Variants in SGSH observed in about 807,000 individuals in gnomAD.
SGSH encodes N-sulfoglucosamine sulfohydrolase.
A neutral mutation model predicts 51.0 loss-of-function variants in SGSH; 48 were observed. The ratio of observed to expected loss-of-function variants is 0.94; its 90% CI spans 0.75 to 1.20. The LOEUF is 1.20. Among genes scored for constraint, SGSH ranks in the 50% most tolerant of loss-of-function variants. The pLI, the probability that SGSH is intolerant of heterozygous loss-of-function variation, is 0.00. For missense variants in SGSH, 662 were observed against 717.8 expected, an observed-to-expected ratio of 0.92 and a Z score of 0.89; for synonymous variants, 321 against 313.4, an observed-to-expected ratio of 1.02 and a Z score of -0.26.
chr17:80,220,213 C>T lies in SGSH; in HGVS notation c.88+13G>A, dbSNP rs2042098398. On this transcript the variant is annotated intron_variant, in intron 1 of 7. Coordinates refer to ENST00000326317, the MANE Select transcript of SGSH (RefSeq NM_000199.5). Reference sequence around the variant, plus strand: ...ACCGCAGGTGGGCGTGGGGGGGCGGCGCCGGCACTCACCGAGGAGCAGCAG... The same window carrying T: ...ACCGCAGGTGGGCGTGGGGGGGCGGTGCCGGCACTCACCGAGGAGCAGCAG... 1.3e-6 allele frequency: 2 copies of T among 1,510,008 alleles called. No individual in the cohort carries two copies. The highest frequency in any genetic ancestry group is 1.8e-6 in the Non-Finnish European group (2 of 1,133,526). The allele number at this position is 1,510,008 out of a possible 1,614,324, so 93.5% of individuals were successfully genotyped here. A position where few individuals can be genotyped will look rare whatever the true frequency, so the allele number is the denominator to read the frequency against.
chr17:80,210,148 C>A lies in SGSH; in HGVS notation c.*304G>T. 7.7e-7 allele frequency: 1 copy of A among 1,303,078 alleles called. No homozygotes were observed. Among genetic ancestry groups the A allele is most frequent in the South Asian group, 1.8e-5 (1 of 54,508 alleles). The allele number at this position is 1,303,078 out of a possible 1,614,324, so 80.7% of individuals were successfully genotyped here. On this transcript the variant is annotated 3_prime_UTR_variant, in exon 8 of 8. Transcript: ENST00000326317. Reference sequence around the variant, plus strand: ...CATGGGCTGGGGGCGCTGCCCTGTCCGCAGACCACGTATGTCTAGAATTCC... The same window carrying A: ...CATGGGCTGGGGGCGCTGCCCTGTCAGCAGACCACGTATGTCTAGAATTCC...
At chr17:80,214,913 A>G in intron 3 of SGSH, 120 bp downstream of exon 3, 4 of 1,296,686 alleles carry the variant, frequency 3.1e-6, no homozygotes, top group Non-Finnish European at 4.4e-6. Flanking sequence ...CCTTTGGGAC[A>G]AGAGCTAAGG....
At position 80,209,508 on chromosome 17, in the gene SGSH, C is replaced by G; in HGVS notation, c.*944G>C. 1 of 985,542 alleles carries G rather than the reference C, an allele frequency of 1.0e-6. No individual in the cohort carries two copies. The highest frequency in any genetic ancestry group is 1.2e-6 in the Non-Finnish European group (1 of 830,088). The allele number at this position is 985,542 out of a possible 1,614,324, so 61.0% of individuals were successfully genotyped here. A position where few individuals can be genotyped will look rare whatever the true frequency, so the allele number is the denominator to read the frequency against. On this transcript the variant is annotated 3_prime_UTR_variant, in exon 8 of 8. Coordinates refer to ENST00000326317, the MANE Select transcript of SGSH (RefSeq NM_000199.5). ...GGAGGCAGGGCAGGAACGGCACATT[C>G]TCCCAGCAACGCCGACGTCATCCAA...
downstream of SGSH, chr17:80,205,410 A>G (rs1345733823): frequency 1.5e-6 from 2 of 1,375,892 alleles, no homozygotes; most frequent in African/African-American, 1.4e-5. Flanking sequence ...TAAAGTGGAC[A>G]TCCTAAGAAG....
downstream of SGSH, chr17:80,202,557 C>T (rs2144467448): frequency 6.9e-7 from 1 of 1,454,738 alleles, no homozygotes; most frequent in African/African-American, 1.4e-5. Flanking sequence ...GGAAGCCTGC[C>T]AAGATCACTG....
downstream of SGSH, chr17:80,206,940 T>G (rs949673378): frequency 4.5e-6 from 7 of 1,550,066 alleles, no homozygotes; most frequent in Non-Finnish European, 6.2e-6. Flanking sequence ...CCTGTGATCT[T>G]GACTCACTTC....
chr17:80,205,575 G>A, downstream of SGSH: 1 of 1,579,416 alleles, frequency 6.3e-7, no homozygotes, highest in Non-Finnish European at 8.6e-7. Flanking sequence ...CCAGAGAGGG[G>A]ACATCATCCA....
At chr17:80,203,784 G>T (rs1278492209), downstream of SGSH, 5 of 1,532,390 alleles carry the variant, frequency 3.3e-6, no homozygotes, top group East Asian at 1.2e-4. The surrounding 1 kb of genome is among the most constrained non-coding windows in gnomAD (Gnocchi z 4.6). Context: ...TCACCTGGCA[G>T]GAGGCAGCTG....
In SGSH at chr17:80,210,406, G is replaced by A. The variant is rs1163063425; in HGVS notation, c.*46C>T. On this transcript the variant is annotated 3_prime_UTR_variant, in exon 8 of 8. Transcript: ENST00000326317. ...CCGGCCACACGGACACGTGTGGGAT[G>A]TGTCTGGGACATGCCTGGGATGTGT... 1.5e-5 allele frequency: 23 copies of A among 1,538,006 alleles called. No individual in the cohort carries two copies. The highest frequency in any genetic ancestry group is 1.9e-5 in the Non-Finnish European group (22 of 1,145,572).
At position 80,210,511 on chromosome 17, in the gene SGSH, CG is replaced by C; in HGVS notation, c.1449del (p.Asp484ThrfsTer107). The C allele has an allele frequency of 1.2e-6, 2 of 1,608,730 alleles. No individual in the cohort carries two copies. On this transcript the variant is annotated frameshift_variant, in exon 8 of 8. Transcript: ENST00000326317. LOFTEE classifies it high-confidence loss of function. ...GAGAGCTTCTCCTCCAGGACGCCGT[CG>C]GGGGCGCACACCCAGGGGTCGTGGG... ...WETHDPWVCA[P>X]DGVLEEKLSP...
downstream of SGSH, chr17:80,208,219 G>A (rs761925557): frequency 1.2e-5 from 18 of 1,562,632 alleles, no homozygotes; most frequent in African/African-American, 1.2e-4. Flanking sequence ...TGGACCGGGC[G>A]CCCTGTCTAT....
At chr17:80,214,958 G>C in intron 3 of SGSH, 75 bp downstream of exon 3, 2 of 1,396,808 alleles carry the variant, frequency 1.4e-6, no homozygotes, top group Non-Finnish European at 2.0e-6. Flanking sequence ...CTTGGTACAA[G>C]GTGCCGAACC....
the SGSH span, chr17:80,201,653 C>G: frequency 3.6e-6 from 5 of 1,399,606 alleles, no homozygotes; most frequent in Non-Finnish European, 5.0e-6. The surrounding 1 kb of genome is among the most constrained non-coding windows in gnomAD (Gnocchi z 5.0). Flanking sequence ...GGCTGGCCCG[C>G]GCCTCGCCTC....
chr17:80,220,214 G>A lies in SGSH; in HGVS notation c.88+12C>T. On this transcript the variant is annotated intron_variant, in intron 1 of 7. Coordinates refer to ENST00000326317, the MANE Select transcript of SGSH (RefSeq NM_000199.5). Reference sequence around the variant, plus strand: ...CCGCAGGTGGGCGTGGGGGGGCGGCGCCGGCACTCACCGAGGAGCAGCAGT... The same window carrying A: ...CCGCAGGTGGGCGTGGGGGGGCGGCACCGGCACTCACCGAGGAGCAGCAGT... 3 of 1,511,598 alleles carry A rather than the reference G, an allele frequency of 2.0e-6. No homozygotes were observed. The highest frequency in any genetic ancestry group is 1.2e-5 in the South Asian group (1 of 81,772). The allele number at this position is 1,511,598 out of a possible 1,614,324, so 93.6% of individuals were successfully genotyped here.
the SGSH span, chr17:80,201,648 G>T: frequency 7.5e-7 from 1 of 1,331,202 alleles, no homozygotes; most frequent in Non-Finnish European, 1.1e-6. The surrounding 1 kb of genome is among the most constrained non-coding windows in gnomAD (Gnocchi z 5.0). Flanking sequence ...GGCAGGGCTG[G>T]CCCGCGCCTC....
chr17:80,219,020 C>T (rs1347574871), intron 1 of SGSH, among the ~76,000 whole-genome samples: 1 of 151,858 alleles, frequency 6.6e-6, no homozygotes, highest in Non-Finnish European at 1.5e-5. Context: ...ATTAGCCAGG[C>T]ATGGTGATGT....
Position 80,210,654 on chromosome 17 carries a change from C to T in SGSH, c.1307G>A (p.Trp436Ter). Reference protein sequence around the residue: ...DLRHYYYRARWELYDRSRDPH... With the variant: ...DLRHYYYRAR ...GTCCCGGCTCCGGTCGTAGAGCTCC[C>T]AGCGCGCCCGGTAGTAGTAATGACG... The change falls in exon 8 of 8, where the codon TGG (tryptophan) becomes TAG (stop). Residue 436 changes from tryptophan (W) to a stop codon, truncating the protein, a stop_gained. Transcript: ENST00000326317. LOFTEE classifies it high-confidence loss of function. 6.2e-6 allele frequency: 10 copies of T among 1,614,044 alleles called. No homozygotes were observed. Among genetic ancestry groups the T allele is most frequent in the Non-Finnish European group, 8.5e-6 (10 of 1,180,040 alleles).
downstream of SGSH, chr17:80,202,256 G>T: frequency 6.2e-7 from 1 of 1,614,018 alleles, no homozygotes; most frequent in Non-Finnish European, 8.5e-7. Context: ...GGGTCAACCT[G>T]GCCATGGAGG....
Position 80,213,846 on chromosome 17 carries a change from C to G in SGSH, c.703G>C (p.Asp235His). 2 of 1,608,708 alleles carry G rather than the reference C, an allele frequency of 1.2e-6. No homozygotes were observed. The highest frequency in any genetic ancestry group is 1.7e-6 in the Non-Finnish European group (2 of 1,179,314). Reference protein sequence around the residue: ...FVPNTPAARADLAAQYTTVGR... With the variant: ...FVPNTPAARAHLAAQYTTVGR... Reference sequence around the variant, plus strand: ...ACGGTGGTGTACTGAGCGGCCAGGTCGGCTCGGGCTGCCGGGGTGTTGGGG... The same window carrying G: ...ACGGTGGTGTACTGAGCGGCCAGGTGGGCTCGGGCTGCCGGGGTGTTGGGG... The change falls in exon 6 of 8, where the codon GAC becomes CAC. Residue 235 changes from aspartate to histidine, a missense_variant. Asp to His is a moderately conservative substitution (Grantham distance 81). Coordinates refer to ENST00000326317, the MANE Select transcript of SGSH (RefSeq NM_000199.5). The surrounding 1 kb of genome is among the most constrained non-coding windows in gnomAD (Gnocchi z 4.6).
Sources: allele counts gnomAD v4.1 joint callset (sites outside exome capture counted in the v4.1 genomes callset), GRCh38; gene constraint gnomAD v4.1.1; non-coding constraint Gnocchi (gnomAD v3.1); transcripts MANE v1.5; gene names NCBI Gene and HGNC (gene_info 2026-07-23, HGNC 2026-07-21).